Variants in SESN1 observed in about 807,000 individuals in gnomAD.
SESN1 encodes the protein sestrin-1.
SESN1 carries 30 observed loss-of-function variants against 59.3 expected under a neutral mutation model. The ratio of observed to expected loss-of-function variants is 0.51; its 90% CI spans 0.38 to 0.69. SESN1 has a LOEUF of 0.69. Ranked by LOEUF, SESN1 falls within the 30% of genes least tolerant of loss-of-function variation. SESN1 has a pLI of 0.00. For missense variants in SESN1, 566 were observed against 673.0 expected (o/e 0.84, Z 1.76); for synonymous variants, 197 against 219.9 (o/e 0.90, Z 0.92).
chr6:109,005,050 T>C lies in SESN1; in HGVS notation c.280-2707A>G, dbSNP rs181719908. Among the ~76,000 whole-genome samples the C allele has an allele frequency of 5.9e-5, 9 of 152,352 alleles. No homozygotes were observed. The East Asian group carries it at 1.5e-3, about 26-fold the overall frequency. ...CAAAATTAAAAAGTCCCATAGCCTT[T>C]GAATCAACAATTCCATCCTAAGTGT... On this transcript the variant is annotated intron_variant, in intron 1 of 9. Transcript: ENST00000436639.
At chr6:109,029,256 T>TG (rs777214181) in intron 1 of SESN1, among the ~76,000 whole-genome samples, 19 of 152,184 alleles carry the variant, frequency 1.2e-4, no homozygotes, top group Non-Finnish European at 2.6e-4. Flanking sequence ...TCCTAGCCAC[T>TG]GATGACTAAG....
intron 1 of SESN1, among the ~76,000 whole-genome samples, chr6:109,046,187 C>A (rs1288518870): frequency 1.3e-5 from 2 of 151,140 alleles, no homozygotes; most frequent in African/African-American, 4.8e-5. Context: ...TCACTGCAAC[C>A]TCCCTGCCTG....
At chr6:109,009,401 C>T in intron 1 of SESN1, 4 of 1,461,380 alleles carry the variant, frequency 2.7e-6, no homozygotes, top group Non-Finnish European at 2.7e-6. Flanking sequence ...TGCAGCCCAG[C>T]AGCCCCGAGA....
At chr6:109,049,308 T>C (rs1364319187) in intron 1 of SESN1, among the ~76,000 whole-genome samples, 1 of 151,618 alleles carries the variant, frequency 6.6e-6, no homozygotes, top group African/African-American at 2.4e-5. Flanking sequence ...CTCACTCATA[T>C]GTGAAAGCCA....
intron 1 of SESN1, among the ~76,000 whole-genome samples, chr6:109,013,020 G>C (rs1281229950): frequency 6.6e-6 from 1 of 151,956 alleles, no homozygotes; most frequent in East Asian, 1.9e-4. Context: ...GGAGGCTGGG[G>C]CAGGAGAATT....
At chr6:108,998,434 A>C (rs1446351433) in intron 5 of SESN1, 79 bp downstream of exon 5, 1 of 1,557,776 alleles carries the variant, frequency 6.4e-7, no homozygotes, top group African/African-American at 1.4e-5. Flanking sequence ...GGGTTTTTCT[A>C]AGAAGCCAAC....
At chr6:109,084,534 CAA>C (rs774681340) in intron 1 of SESN1, among the ~76,000 whole-genome samples, 11 of 151,974 alleles carry the variant, frequency 7.2e-5, no homozygotes, top group Non-Finnish European at 1.5e-4. Flanking sequence ...GCCTGGGCAA[CAA>C]GAGCAACAGT....
At chr6:108,992,345 C>T (rs946768970) in intron 7 of SESN1, among the ~76,000 whole-genome samples, 2 of 152,014 alleles carry the variant, frequency 1.3e-5, no homozygotes, top group Non-Finnish European at 2.9e-5. Context: ...TGGAATGCCT[C>T]GGCTCAGGCA....
chr6:109,029,183 C>A (rs747081912), intron 1 of SESN1, among the ~76,000 whole-genome samples: 1 of 152,088 alleles, frequency 6.6e-6, no homozygotes, highest in African/African-American at 2.4e-5. Context: ...CTAAATTTTA[C>A]AAAGAATTTC....
At chr6:109,019,575 CATAA>C (rs1219224949) in intron 1 of SESN1, among the ~76,000 whole-genome samples, 1 of 152,174 alleles carries the variant, frequency 6.6e-6, no homozygotes, top group African/African-American at 2.4e-5. Context: ...TTCAAGAAAA[CATAA>C]ATAAAGTCAC....
intron 1 of SESN1, among the ~76,000 whole-genome samples, chr6:109,038,821 G>A (rs192067172): frequency 6.6e-5 from 10 of 151,968 alleles, no homozygotes; most frequent in East Asian, 5.8e-4. Flanking sequence ...AGATTCTGAC[G>A]GCAATTGGGG....
intron 1 of SESN1, among the ~76,000 whole-genome samples, chr6:109,069,645 G>A (rs941438650): frequency 2.6e-5 from 4 of 151,888 alleles, no homozygotes; most frequent in Non-Finnish European, 5.9e-5. Context: ...GGGTTCAAGT[G>A]ATCCTCCCAC....
intron 4 of SESN1, 186 bp from the exon 5 acceptor site, chr6:108,998,941 TTAACA>T (rs1583263698): frequency 5.6e-6 from 3 of 539,354 alleles, no homozygotes; most frequent in Non-Finnish European, 6.3e-6. Flanking sequence ...CAAATAGAAC[TTAACA>T]TAATCTGTTA....
intron 1 of SESN1, chr6:109,090,489 A>G (rs1332413418): frequency 6.6e-6 from 1 of 152,232 alleles, no homozygotes; most frequent in African/African-American, 2.4e-5. Context: ...CAATTAACAC[A>G]TATTTTGTAT....
At chr6:109,049,499 T>G (rs1780508560) in intron 1 of SESN1, among the ~76,000 whole-genome samples, 1 of 152,070 alleles carries the variant, frequency 6.6e-6, no homozygotes, top group Admixed American at 6.6e-5. Context: ...TTAACAATAT[T>G]ATATATTTTC....
At chr6:109,057,043 A>G (rs1452338760) in intron 1 of SESN1, among the ~76,000 whole-genome samples, 1 of 152,152 alleles carries the variant, frequency 6.6e-6, no homozygotes, top group African/African-American at 2.4e-5. Context: ...TCCCTATGGT[A>G]AGGAACTGAA....
At chr6:109,039,559 G>A (rs1258891912) in intron 1 of SESN1, among the ~76,000 whole-genome samples, 2 of 152,200 alleles carry the variant, frequency 1.3e-5, no homozygotes, top group Non-Finnish European at 2.9e-5. Context: ...AGCAAGCACT[G>A]GCTATCTTTA....
chr6:109,024,375 A>G (rs1215717511), intron 1 of SESN1, among the ~76,000 whole-genome samples: 3 of 152,220 alleles, frequency 2.0e-5, no homozygotes, highest in African/African-American at 7.2e-5. Flanking sequence ...AAAATTCTAT[A>G]AAGCAGAAAT....
intron 1 of SESN1, among the ~76,000 whole-genome samples, chr6:109,028,404 T>TA (rs1780128837): frequency 1.3e-5 from 2 of 152,214 alleles, no homozygotes; most frequent in South Asian, 4.1e-4. Context: ...CGAATGGGGC[T>TA]AATTTGTTGT....
Sources: gnomAD v4.1 joint callset for allele counts (sites outside exome capture counted in the v4.1 genomes callset) on GRCh38, gnomAD v4.1.1 for gene constraint, MANE v1.5 for transcripts, NCBI Gene and HGNC (gene_info 2026-07-23, HGNC 2026-07-21) for gene names.